NAV2: variants seen among roughly 807,000 people sequenced by gnomAD.
NAV2 encodes neuron navigator 2.
Under a neutral mutation model 223.2 loss-of-function variants are expected in NAV2, and 54 were observed. The observed-to-expected ratio is 0.24, with a 90% CI of 0.19 to 0.30. NAV2 has a LOEUF of 0.30. Among genes scored for constraint, NAV2 ranks in the 10% least tolerant of loss-of-function variants. The pLI is 1.00. For missense variants in NAV2, 2,806 were observed against 3,147.5 expected (o/e 0.89, Z 2.60); for synonymous variants, 1,279 against 1,239.3 (o/e 1.03, Z -0.67).
intron 1 of NAV2, among the ~76,000 whole-genome samples, chr11:19,624,113 G>A (rs2047090842): frequency 6.6e-6 from 1 of 152,176 alleles, no homozygotes; most frequent in Non-Finnish European, 1.5e-5. Flanking sequence ...GTTGCTGCCT[G>A]ATTGTTCCTC....
At chr11:19,689,514 C>T (rs766432871) in intron 1 of NAV2, among the ~76,000 whole-genome samples, 1 of 152,218 alleles carries the variant, frequency 6.6e-6, no homozygotes, top group Non-Finnish European at 1.5e-5. Flanking sequence ...GCCAGGAGGA[C>T]GGTCCTCCCC....
At chr11:20,038,453 G>T (rs2056605880) in intron 12 of NAV2, among the ~76,000 whole-genome samples, 1 of 152,160 alleles carries the variant, frequency 6.6e-6, no homozygotes, top group South Asian at 2.1e-4. Context: ...TAACGCAATG[G>T]TTTCTTTAAA....
chr11:19,417,962 C>T (rs1850447409), intron 1 of NAV2, among the ~76,000 whole-genome samples: 1 of 151,982 alleles, frequency 6.6e-6, no homozygotes, highest in Admixed American at 6.6e-5. Flanking sequence ...CACACTGGGG[C>T]CTGTCAGGGG....
chr11:19,625,427 A>G (rs1295196422), intron 1 of NAV2, among the ~76,000 whole-genome samples: 1 of 152,192 alleles, frequency 6.6e-6, no homozygotes, highest in Admixed American at 6.5e-5. Context: ...TGTTGTATAT[A>G]TACCACATTT....
At chr11:20,040,169 G>A (rs1159728768) in intron 12 of NAV2, among the ~76,000 whole-genome samples, 1 of 152,200 alleles carries the variant, frequency 6.6e-6, no homozygotes, top group Non-Finnish European at 1.5e-5. Flanking sequence ...ACTTGAGCCA[G>A]CTCAGCATCT....
chr11:19,627,247 G>T (rs1435202106), intron 1 of NAV2, among the ~76,000 whole-genome samples: 4 of 152,126 alleles, frequency 2.6e-5, no homozygotes, highest in Non-Finnish European at 5.9e-5. Context: ...AATTAGCAGG[G>T]CGTGGTATTG....
At chr11:19,424,662 C>T (rs1343708372) in intron 1 of NAV2, among the ~76,000 whole-genome samples, 1 of 152,152 alleles carries the variant, frequency 6.6e-6, no homozygotes, top group Non-Finnish European at 1.5e-5. Context: ...GATTCTCCTG[C>T]CTCAGCCTCC....
At chr11:19,989,127 A>G (rs769126276) in intron 11 of NAV2, among the ~76,000 whole-genome samples, 19 of 152,206 alleles carry the variant, frequency 1.2e-4, no homozygotes, top group Non-Finnish European at 2.2e-4. Flanking sequence ...AAAGATGGCC[A>G]CATTCTAATC....
intron 1 of NAV2, among the ~76,000 whole-genome samples, chr11:19,441,685 G>T (rs1851408700): frequency 6.6e-6 from 1 of 152,092 alleles, no homozygotes. Flanking sequence ...AACAGATGTG[G>T]TGCTTCTCTT....
At position 20,096,280 on chromosome 11, in the gene NAV2, C is replaced by G. The variant is rs538320743; in HGVS notation, c.6012+513C>G. On this transcript the variant is annotated intron_variant, in intron 30 of 37. Coordinates refer to ENST00000349880, the MANE Select transcript of NAV2 (RefSeq NM_145117.5). ...CTCAAGGATGTTGCCATACTTATTT[C>G]TCTATTCTTTTTAATCACATCATTA... Among the ~76,000 whole-genome samples, 6 of 152,264 alleles carry G rather than the reference C, an allele frequency of 3.9e-5. No individual in the cohort carries two copies. The South Asian group carries it at 1.2e-3, about 32-fold the overall frequency.
At chr11:19,805,507 T>C (rs2058507586) in intron 1 of NAV2, among the ~76,000 whole-genome samples, 1 of 152,174 alleles carries the variant, frequency 6.6e-6, no homozygotes, top group Non-Finnish European at 1.5e-5. Flanking sequence ...TGATGGTATT[T>C]GCAGCTGTCC....
intron 1 of NAV2, among the ~76,000 whole-genome samples, chr11:19,724,813 A>G (rs577604932): frequency 1.1e-4 from 16 of 152,372 alleles, no homozygotes; most frequent in African/African-American, 3.6e-4. Flanking sequence ...CCAGCCTCTT[A>G]GACCCTTGCT....
intron 2 of NAV2, among the ~76,000 whole-genome samples, chr11:19,836,169 C>T (rs1165566136): frequency 4.6e-5 from 7 of 152,314 alleles, no homozygotes; most frequent in African/African-American, 1.4e-4. Context: ...ATTTAGTACT[C>T]CACTAAACAT....
chr11:19,813,315 C>G (rs375936847), intron 1 of NAV2, among the ~76,000 whole-genome samples: 3 of 152,310 alleles, frequency 2.0e-5, no homozygotes, highest in African/African-American at 7.2e-5. Context: ...GCCTCAGCAG[C>G]CACTGCCTGG....
intron 1 of NAV2, among the ~76,000 whole-genome samples, chr11:19,609,639 T>C (rs770073214): frequency 2.0e-5 from 3 of 152,200 alleles, no homozygotes; most frequent in Non-Finnish European, 4.4e-5. Context: ...GAATCATGTG[T>C]ACCCCAAGGG....
chr11:19,888,115 C>T (rs1220131290), intron 5 of NAV2, among the ~76,000 whole-genome samples: 2 of 152,242 alleles, frequency 1.3e-5, no homozygotes, highest in Non-Finnish European at 2.9e-5. Context: ...GTTCCCCCAC[C>T]GCTTACACCA....
At chr11:20,105,755 C>G in intron 35 of NAV2, 28 bp downstream of exon 35, 1 of 1,583,866 alleles carries the variant, frequency 6.3e-7, no homozygotes, top group Admixed American at 1.7e-5. Context: ...GTCAGGGGGG[C>G]GGGCTGGCAT....
intron 8 of NAV2, among the ~76,000 whole-genome samples, chr11:19,940,116 A>G (rs1349294167): frequency 6.6e-6 from 1 of 152,102 alleles, no homozygotes; most frequent in Non-Finnish European, 1.5e-5. Context: ...TCTTCAGATA[A>G]AGTTGCTTTT....
At chr11:19,819,924 G>A (rs1462189889) in intron 1 of NAV2, among the ~76,000 whole-genome samples, 1 of 152,230 alleles carries the variant, frequency 6.6e-6, no homozygotes, top group African/African-American at 2.4e-5. Flanking sequence ...GAGATGTTAA[G>A]CAACCTGTCA....
Sources: allele counts gnomAD v4.1 joint callset (sites outside exome capture counted in the v4.1 genomes callset), GRCh38; gene constraint gnomAD v4.1.1; transcripts MANE v1.5; gene names NCBI Gene and HGNC (gene_info 2026-07-23, HGNC 2026-07-21).